Variants in RPS6KC1 observed in about 807,000 individuals in gnomAD.
RPS6KC1 encodes ribosomal protein S6 kinase C1.
RPS6KC1 carries 54 observed loss-of-function variants against 103.8 expected under a neutral mutation model. The ratio of observed to expected loss-of-function variants is 0.52; its 90% confidence interval spans 0.42 to 0.65. RPS6KC1 has a LOEUF of 0.65. Ranked by LOEUF, RPS6KC1 falls within the 30% of genes least tolerant of loss-of-function variation. RPS6KC1 has a pLI of 0.00. For synonymous variants in RPS6KC1, 439 were observed against 438.7 expected (o/e 1.00, Z -0.01); for missense variants, 1,151 against 1,253.8 (o/e 0.92, Z 1.24).
chr1:213,320,165 G>A, the RPS6KC1 span, among the ~76,000 whole-genome samples: 1 of 151,792 alleles, frequency 6.6e-6, no homozygotes, highest in Non-Finnish European at 1.5e-5. Flanking sequence ...GAAGAACTTG[G>A]AAAAGCAGAA....
chr1:213,098,065 T>C lies in RPS6KC1; in HGVS notation c.263-6389T>C, dbSNP rs1386192230. On this transcript the variant is annotated intron_variant, in intron 3 of 14. Coordinates refer to ENST00000366960, the MANE Select transcript of RPS6KC1 (RefSeq NM_012424.6). ...ATTTCTTTCAGTAACTTATTTTTTG[T>C]ATTCACGACTTGGCTAACTGGTGCA... is the stretch of plus-strand genomic sequence containing the variant. 2.6e-5 allele frequency among the ~76,000 whole-genome samples: 4 copies of C among 152,232 alleles called. No individual in the cohort carries two copies. In the East Asian group the frequency reaches 7.7e-4, roughly 29 times the overall value.
chr1:213,802,196 T>C, the RPS6KC1 span, among the ~76,000 whole-genome samples: 1 of 152,196 alleles, frequency 6.6e-6, no homozygotes, highest in Non-Finnish European at 1.5e-5. Context: ...ATGTGCCAAC[T>C]GTAGAGGAAT....
chr1:213,594,859 G>T, the RPS6KC1 span, among the ~76,000 whole-genome samples: 2 of 152,170 alleles, frequency 1.3e-5, no homozygotes, highest in African/African-American at 2.4e-5. Flanking sequence ...CACAGGAAGT[G>T]AGTGGAGGGT....
intron 6 of RPS6KC1, among the ~76,000 whole-genome samples, chr1:213,151,967 G>C (rs1456826734): frequency 1.6e-5 from 2 of 122,640 alleles, no homozygotes; most frequent in Middle Eastern, 7.2e-3. Context: ...GCGGCTGGCC[G>C]GGCAGAGGGG....
chr1:213,259,930 G>T (rs2094743336), intron 12 of RPS6KC1, among the ~76,000 whole-genome samples: 1 of 151,552 alleles, frequency 6.6e-6, no homozygotes, highest in South Asian at 2.1e-4. Context: ...ATAGAGATGG[G>T]GTTTCGCCAT....
chr1:213,169,196 A>T (rs1358528489), intron 7 of RPS6KC1, among the ~76,000 whole-genome samples: 1 of 152,172 alleles, frequency 6.6e-6, no homozygotes, highest in East Asian at 1.9e-4. Context: ...CGGCTTATAT[A>T]CTTTTTCCTA....
chr1:213,328,707 A>T, the RPS6KC1 span, among the ~76,000 whole-genome samples: 1 of 151,726 alleles, frequency 6.6e-6, no homozygotes, highest in Non-Finnish European at 1.5e-5. Context: ...AGTGGGGGTT[A>T]GATGGGCCCT....
the RPS6KC1 span, among the ~76,000 whole-genome samples, chr1:213,395,773 T>G: frequency 1.3e-5 from 2 of 152,196 alleles, no homozygotes; most frequent in African/African-American, 4.8e-5. Flanking sequence ...GAAAAGACAC[T>G]TGTTCACAGG....
intron 3 of RPS6KC1, among the ~76,000 whole-genome samples, chr1:213,098,169 G>A (rs2081642319): frequency 6.6e-6 from 1 of 152,152 alleles, no homozygotes; most frequent in Admixed American, 6.5e-5. Context: ...AGGCTGGAGT[G>A]TAGTGATGCG....
the RPS6KC1 span, among the ~76,000 whole-genome samples, chr1:213,469,788 A>G: frequency 0.013 from 2,040 of 152,322 alleles, 50 homozygotes; most frequent in African/African-American, 0.047. Context: ...AGGCCAAGGC[A>G]GGAGGATTGC....
At chr1:213,382,555 GC>G in the RPS6KC1 span, among the ~76,000 whole-genome samples, 1 of 144,278 alleles carries the variant, frequency 6.9e-6, no homozygotes, top group Non-Finnish European at 1.5e-5. Context: ...TTTTTTTGAA[GC>G]GGTTGTAGGG....
the RPS6KC1 span, among the ~76,000 whole-genome samples, chr1:213,449,061 GGCTTT>G: frequency 1.3e-5 from 2 of 152,110 alleles, no homozygotes; most frequent in Non-Finnish European, 2.9e-5. Context: ...CTCTCTGTGA[GGCTTT>G]CCTCACAGGA....
the RPS6KC1 span, among the ~76,000 whole-genome samples, chr1:213,324,710 C>T: frequency 5.3e-3 from 780 of 147,246 alleles, 4 homozygotes; most frequent in African/African-American, 0.015. Flanking sequence ...CCATTTGCTT[C>T]ATATCTATTC....
At chr1:213,572,829 G>A in the RPS6KC1 span, among the ~76,000 whole-genome samples, 30 of 152,302 alleles carry the variant, frequency 2.0e-4, no homozygotes, top group Non-Finnish European at 3.5e-4. Context: ...GGCCGCACTA[G>A]GAAGTGTAGC....
chr1:213,411,695 G>C, the RPS6KC1 span, among the ~76,000 whole-genome samples: 1 of 152,188 alleles, frequency 6.6e-6, no homozygotes, highest in Admixed American at 6.5e-5. Flanking sequence ...GCTGGACAGT[G>C]CTGTGGGCTA....
intron 3 of RPS6KC1, among the ~76,000 whole-genome samples, chr1:213,079,543 A>G (rs949008620): frequency 1.3e-5 from 2 of 152,028 alleles, no homozygotes; most frequent in African/African-American, 4.8e-5. Context: ...TTGGCTTCCC[A>G]GGTAGCTGGG....
chr1:213,211,639 T>A (rs941883890), intron 8 of RPS6KC1, among the ~76,000 whole-genome samples: 5 of 152,226 alleles, frequency 3.3e-5, no homozygotes, highest in Non-Finnish European at 7.3e-5. Context: ...TACATACATA[T>A]AAAAGATATT....
chr1:213,066,112 A>G (rs1307253816), intron 1 of RPS6KC1, among the ~76,000 whole-genome samples: 1 of 152,248 alleles, frequency 6.6e-6, no homozygotes, highest in African/African-American at 2.4e-5. Context: ...TACAGAGTCA[A>G]ATTTTCCCTA....
In RPS6KC1 at chr1:213,129,644, T is replaced by C. The variant is rs377208928; in HGVS notation, c.590T>C (p.Leu197Pro). The change falls in exon 6 of 15, where the codon CTT (leucine) becomes CCT (proline). Residue 197 changes from leucine to proline, a missense_variant. Around this residue, in one of 3 missense-constraint regions of RPS6KC1, gnomAD observed 959 missense variants for 1,006.3 expected, o/e 0.95. Coordinates refer to ENST00000366960, the MANE Select transcript of RPS6KC1 (RefSeq NM_012424.6). ...NSPIRTFGLN[L>P]SSDSSALGAV... ...CCCATTAGAACTTTTGGTCTCAATC[T>C]TTCTTCGGATTCTTCAGCACTAGGG... is the stretch of plus-strand genomic sequence containing the variant. The C allele has an allele frequency of 6.2e-7, 1 of 1,614,072 alleles. No individual in the cohort carries two copies. The highest frequency in any genetic ancestry group is 1.3e-5 in the African/African-American group (1 of 75,044).
Sources: gnomAD v4.1 joint callset for allele counts (sites outside exome capture counted in the v4.1 genomes callset) on GRCh38, gnomAD v4.1.1 for gene constraint, gnomAD v4.1.1 regional missense constraint, MANE v1.5 for transcripts, NCBI Gene and HGNC (gene_info 2026-07-23, HGNC 2026-07-21) for gene names.